DNAH17: variants seen among roughly 807,000 people sequenced by gnomAD.
The protein encoded by DNAH17 is axonemal beta dynein heavy chain 17.
A neutral mutation model predicts 485.6 loss-of-function variants in DNAH17; 376 were observed. That is an observed-to-expected ratio of 0.77 (90% CI 0.71 to 0.84). The LOEUF is 0.84. Among genes scored for constraint, DNAH17 ranks in the 40% least tolerant of loss-of-function variants. The pLI is 0.00. For missense variants in DNAH17, 6,370 were observed against 5,839.3 expected, an observed-to-expected ratio of 1.09 and a Z score of -2.96; for synonymous variants, 3,031 against 2,405.9, an observed-to-expected ratio of 1.26 and a Z score of -7.60.
intron 18 of DNAH17, 91 bp downstream of exon 18, chr17:78,539,646 G>T (rs1460873399): frequency 1.8e-6 from 2 of 1,113,838 alleles, no homozygotes; most frequent in Admixed American, 3.3e-5. Context: ...TTTATAAAAT[G>T]ATAGCCTGTT....
intron 6 of DNAH17, 86 bp from the exon 7 acceptor site, chr17:78,570,458 C>T: frequency 2.0e-6 from 3 of 1,485,414 alleles, no homozygotes; most frequent in Non-Finnish European, 2.7e-6. Context: ...TCCCATGGCT[C>T]TCACTGGGTA....
intron 17 of DNAH17, among the ~76,000 whole-genome samples, chr17:78,541,296 G>GGGGTGGGT (rs1285257196): frequency 3.3e-5 from 3 of 90,658 alleles, no homozygotes; most frequent in African/African-American, 1.6e-4. Flanking sequence ...ATGGGTGGGT[G>GGGGTGGGT]GGGTGGGTGG....
At chr17:78,554,711 G>A (rs1245941452) in intron 14 of DNAH17, among the ~76,000 whole-genome samples, 1 of 152,102 alleles carries the variant, frequency 6.6e-6, no homozygotes, top group African/African-American at 2.4e-5. Context: ...CACACTAGAT[G>A]CTGATTTGCC....
chr17:78,426,642 G>A, intron 78 of DNAH17, 42 bp from the exon 79 acceptor site: 1 of 1,557,412 alleles, frequency 6.4e-7, no homozygotes, highest in East Asian at 2.3e-5. Context: ...CTGAGCTGGG[G>A]CCTGGGAGAG....
chr17:78,500,357 G>GCTCT lies in DNAH17; in HGVS notation c.5584_5587dup (p.Ala1863GlufsTer38). 1 of 1,612,794 alleles carries GCTCT rather than the reference G, an allele frequency of 6.2e-7. No individual in the cohort carries two copies. Among genetic ancestry groups the GCTCT allele is most frequent in the Non-Finnish European group, 8.5e-7 (1 of 1,179,492 alleles). On this transcript the variant is annotated frameshift_variant, in exon 36 of 81. Coordinates refer to ENST00000389840, the MANE Select transcript of DNAH17 (RefSeq NM_173628.4). LOFTEE classifies it high-confidence loss of function. ...GAAGACGTAGACCATGGTGCCCAGG[G>GCTCT]CTCTGCCCAGGTCCTTGGTCGTCTC...
chr17:78,564,091 A>T (rs2092217210), intron 11 of DNAH17, among the ~76,000 whole-genome samples: 1 of 152,124 alleles, frequency 6.6e-6, no homozygotes, highest in Admixed American at 6.5e-5. Flanking sequence ...CATTCTGCAG[A>T]GGTCGGGTTG....
At position 78,475,865 on chromosome 17, in the gene DNAH17, G is replaced by T. The variant is rs113109233; in HGVS notation, c.8155-32C>A. 6.2e-6 allele frequency: 10 copies of T among 1,604,450 alleles called. No homozygotes were observed. In the African/African-American group the frequency reaches 1.2e-4, roughly 19 times the overall value. On this transcript the variant is annotated intron_variant, in intron 52 of 80. Transcript: ENST00000389840. ...AAAGAAAAAAAAAGACGATACTTCCGGTTTTTGCCACCATGACCACACAGA... is the reference window on the plus strand; with the variant it reads ...AAAGAAAAAAAAAGACGATACTTCCTGTTTTTGCCACCATGACCACACAGA...
At position 78,560,934 on chromosome 17, in the gene DNAH17, C is replaced by T. The variant is rs1313932934; in HGVS notation, c.1837G>A (p.Val613Ile). Residue 613 changes from valine (V) to isoleucine (I), a missense_variant and splice_region_variant, in exon 13 of 81, where the codon GTC becomes ATC. Transcript: ENST00000389840. ...AGCTTGGCCTCTGCTCCAGACATGACCCTGGAATCAGAGCGGGAAGGCGAG... is the reference window on the plus strand; with the variant it reads ...AGCTTGGCCTCTGCTCCAGACATGATCCTGGAATCAGAGCGGGAAGGCGAG... ...MKHLKHVEHP[V>I]MSGAEAKLTY... 2 of 1,548,138 alleles carry T rather than the reference C, an allele frequency of 1.3e-6. No individual in the cohort carries two copies. Among genetic ancestry groups the T allele is most frequent in the Admixed American group, 3.9e-5 (2 of 51,004 alleles).
chr17:78,426,808 G>C, intron 78 of DNAH17, 118 bp downstream of exon 78: 1 of 1,333,556 alleles, frequency 7.5e-7, no homozygotes, highest in Non-Finnish European at 1.0e-6. Flanking sequence ...GAGCTCTGGA[G>C]AGGGAGCAGT....
intron 16 of DNAH17, among the ~76,000 whole-genome samples, chr17:78,548,635 T>C (rs1050495073): frequency 7.2e-5 from 11 of 152,228 alleles, no homozygotes; most frequent in Admixed American, 7.2e-4. Context: ...CAGCCTCCTT[T>C]TGGTCCTAAC....
intron 74 of DNAH17, among the ~76,000 whole-genome samples, chr17:78,434,723 A>C (rs1487361197): frequency 6.6e-6 from 1 of 152,082 alleles, no homozygotes; most frequent in Non-Finnish European, 1.5e-5. Context: ...GGCTCCAGGG[A>C]AGGGAAAACT....
At chr17:78,427,369 C>T (rs1403309461) in intron 77 of DNAH17, among the ~76,000 whole-genome samples, 1 of 152,236 alleles carries the variant, frequency 6.6e-6, no homozygotes, top group Non-Finnish European at 1.5e-5. Context: ...GGCCACCTGG[C>T]TCGGTGCCTC....
At chr17:78,534,838 TCTC>T (rs2091331737) in intron 19 of DNAH17, among the ~76,000 whole-genome samples, 1 of 152,016 alleles carries the variant, frequency 6.6e-6, no homozygotes, top group Non-Finnish European at 1.5e-5. Context: ...CCACATTCTA[TCTC>T]CTCCTTGTCC....
At position 78,570,954 on chromosome 17, in the gene DNAH17, G is replaced by GA; in HGVS notation, c.911dup (p.Thr305HisfsTer22). On this transcript the variant is annotated frameshift_variant, in exon 6 of 81. Transcript: ENST00000389840. LOFTEE classifies it high-confidence loss of function. ...CTCTCCCTTGCCTGCGCACCATCGT[G>GA]AAGTCGGCTTGTTCCATCTCCTCCA... The GA allele has an allele frequency of 3.2e-6, 5 of 1,586,364 alleles. No individual in the cohort carries two copies. The highest frequency in any genetic ancestry group is 1.2e-5 in the South Asian group (1 of 86,950).
At chr17:78,432,553 G>A (rs922147449) in intron 75 of DNAH17, among the ~76,000 whole-genome samples, 8 of 152,204 alleles carry the variant, frequency 5.3e-5, no homozygotes, top group Admixed American at 2.6e-4. Context: ...CCCAGCCTTC[G>A]CCAGCAGCGA....
intron 18 of DNAH17, among the ~76,000 whole-genome samples, chr17:78,538,422 C>T (rs1241362153): frequency 6.6e-6 from 1 of 152,182 alleles, no homozygotes. Flanking sequence ...ATCCACCAGG[C>T]TGTGAGATCA....
At chr17:78,548,511 TTTTAA>T (rs2095701507) in intron 16 of DNAH17, among the ~76,000 whole-genome samples, 1 of 152,200 alleles carries the variant, frequency 6.6e-6, no homozygotes. Flanking sequence ...GCCACGGCCT[TTTTAA>T]TTTAAGAAAA....
intron 16 of DNAH17, among the ~76,000 whole-genome samples, chr17:78,545,843 A>G (rs111527257): frequency 0.012 from 1,828 of 151,982 alleles, 43 homozygotes; most frequent in African/African-American, 0.041. Flanking sequence ...TTTTATATAG[A>G]TTTTACTTGA....
chr17:78,560,523 G>A (rs1421910476), intron 13 of DNAH17, among the ~76,000 whole-genome samples: 1 of 152,098 alleles, frequency 6.6e-6, no homozygotes, highest in Non-Finnish European at 1.5e-5. Flanking sequence ...TGGGATCACA[G>A]GAACGCTTTC....
Sources: allele counts gnomAD v4.1 joint callset (sites outside exome capture counted in the v4.1 genomes callset), GRCh38; gene constraint gnomAD v4.1.1; transcripts MANE v1.5; gene names NCBI Gene and HGNC (gene_info 2026-07-23, HGNC 2026-07-21).